Variants in GNB1L observed in about 807,000 individuals in gnomAD.
GNB1L encodes the protein G protein subunit beta 1 like.
GNB1L carries 20 observed loss-of-function variants against 29.1 expected under a neutral mutation model. The ratio of observed to expected loss-of-function variants is 0.69; its 90% confidence interval spans 0.48 to 1.00. GNB1L has a LOEUF of 1.00. Among genes scored for constraint, GNB1L ranks in the 50% least tolerant of loss-of-function variants. GNB1L has a pLI of 0.00. For missense variants in GNB1L, 421 were observed against 464.9 expected, an observed-to-expected ratio of 0.91 and a Z score of 0.87; for synonymous variants, 193 against 206.5, an observed-to-expected ratio of 0.93 and a Z score of 0.56.
chr22:19,814,293 C>T (rs1440133647), intron 4 of GNB1L, among the ~76,000 whole-genome samples: 3 of 152,122 alleles, frequency 2.0e-5, no homozygotes, highest in Non-Finnish European at 4.4e-5. Flanking sequence ...CTAAAATCAG[C>T]GGCAAAAGGG....
chr22:19,787,460 A>T lies in GNB1L; in HGVS notation c.*1249T>A, dbSNP rs541441024. 6.6e-6 allele frequency: 1 copy of T among 152,544 alleles called. No individual in the cohort carries two copies. Among genetic ancestry groups the T allele is most frequent in the East Asian group, 1.9e-4 (1 of 5,170 alleles). The allele number at this position is 152,544 out of a possible 1,614,324, so 9.4% of individuals were successfully genotyped here. On this transcript the variant is annotated 3_prime_UTR_variant, in exon 8 of 8. Coordinates refer to ENST00000329517, the MANE Select transcript of GNB1L (RefSeq NM_053004.3). Reference sequence around the variant, plus strand: ...ATCCCACACCCTTCCGATCCGTCCCACACATGTTCAGATTTCTGCCTGGAA... The same window carrying T: ...ATCCCACACCCTTCCGATCCGTCCCTCACATGTTCAGATTTCTGCCTGGAA...
At position 19,795,846 on chromosome 22, in the gene GNB1L, A is replaced by G. The variant is rs183651846; in HGVS notation, c.732+6155T>C. On this transcript the variant is annotated intron_variant, in intron 7 of 7. Transcript: ENST00000329517. Reference sequence around the variant, plus strand: ...CTCAGAGAACGGCCCCTCAGCATCCAGGCCCGTGCATCAGAGGCCACCAGC... The same window carrying G: ...CTCAGAGAACGGCCCCTCAGCATCCGGGCCCGTGCATCAGAGGCCACCAGC... Among the ~76,000 whole-genome samples, 164 of 152,262 alleles carry G rather than the reference A, an allele frequency of 1.1e-3. No individual in the cohort carries two copies. In the Middle Eastern group the frequency reaches 0.027, roughly 25 times the overall value.
chr22:19,832,155 C>A (rs1937690229), intron 2 of GNB1L, among the ~76,000 whole-genome samples: 1 of 151,972 alleles, frequency 6.6e-6, no homozygotes, highest in Non-Finnish European at 1.5e-5. Context: ...CATAGTCAGA[C>A]CCTGTCTTTA....
chr22:19,817,689 G>A (rs540717631), intron 4 of GNB1L, among the ~76,000 whole-genome samples: 7 of 152,180 alleles, frequency 4.6e-5, no homozygotes, highest in East Asian at 3.9e-4. Context: ...AAAATGAGGC[G>A]TGAGGGGCTA....
At chr22:19,845,366 A>C (rs1937938762) in intron 2 of GNB1L, among the ~76,000 whole-genome samples, 1 of 152,292 alleles carries the variant, frequency 6.6e-6, no homozygotes, top group African/African-American at 2.4e-5. Flanking sequence ...ACAGCCTGTG[A>C]ATAAAGAGCC....
intron 7 of GNB1L, among the ~76,000 whole-genome samples, chr22:19,796,818 G>A (rs1937311483): frequency 6.6e-6 from 1 of 152,164 alleles, no homozygotes; most frequent in South Asian, 2.1e-4. Context: ...CAGGGCAGCA[G>A]ATGCAACCCA....
At chr22:19,800,963 G>A (rs909287532) in intron 7 of GNB1L, among the ~76,000 whole-genome samples, 2 of 152,226 alleles carry the variant, frequency 1.3e-5, no homozygotes, top group African/African-American at 4.8e-5. Flanking sequence ...AGCGTGAGGC[G>A]CAGCAGGCTT....
chr22:19,812,649 G>A (rs1937510870), intron 4 of GNB1L, among the ~76,000 whole-genome samples: 1 of 152,224 alleles, frequency 6.6e-6, no homozygotes, highest in South Asian at 2.1e-4. Context: ...AGTGCCCGAG[G>A]CCAGGACATG....
In GNB1L at chr22:19,806,646, C is replaced by G; in HGVS notation, c.516+13G>C. On this transcript the variant is annotated intron_variant, in intron 6 of 7. Transcript: ENST00000329517. ...TGGCCGGCAGGGCGTGGCTGGTGCACGCGGGGCCTTACCTGCCACAGCCGC... is the reference window on the plus strand; with the variant it reads ...TGGCCGGCAGGGCGTGGCTGGTGCAGGCGGGGCCTTACCTGCCACAGCCGC... 1 of 1,568,896 alleles carries G rather than the reference C, an allele frequency of 6.4e-7. No individual in the cohort carries two copies. The highest frequency in any genetic ancestry group is 8.8e-7 in the Non-Finnish European group (1 of 1,142,330).
intron 7 of GNB1L, among the ~76,000 whole-genome samples, chr22:19,797,804 C>T (rs1352141917): frequency 6.6e-6 from 1 of 152,186 alleles, no homozygotes; most frequent in African/African-American, 2.4e-5. Context: ...CCCGGGGCCC[C>T]CTGGTTCACG....
chr22:19,817,512 A>T (rs1173094838), intron 4 of GNB1L, among the ~76,000 whole-genome samples: 1 of 152,014 alleles, frequency 6.6e-6, no homozygotes, highest in Non-Finnish European at 1.5e-5. Context: ...GAAAAAGAAA[A>T]CAGCGACAGC....
chr22:19,847,928 A>G (rs756799717), intron 2 of GNB1L: 84 of 984,518 alleles, frequency 8.5e-5, no homozygotes, highest in Non-Finnish European at 9.8e-5. Flanking sequence ...TGGCTTTACT[A>G]TTTTCCAGAG....
chr22:19,821,639 A>G (rs1201729652), intron 2 of GNB1L, among the ~76,000 whole-genome samples: 1 of 152,170 alleles, frequency 6.6e-6, no homozygotes, highest in Non-Finnish European at 1.5e-5. Context: ...TGGGAGCCCC[A>G]TGGATGCCAG....
intron 2 of GNB1L, among the ~76,000 whole-genome samples, chr22:19,824,821 T>C (rs1380412310): frequency 6.6e-6 from 1 of 152,158 alleles, no homozygotes; most frequent in African/African-American, 2.4e-5. Context: ...TCCCTACAGA[T>C]GAAGCAGGGC....
chr22:19,802,245 C>G, intron 6 of GNB1L, 29 bp from the exon 7 acceptor site: 1 of 1,579,214 alleles, frequency 6.3e-7, no homozygotes, highest in South Asian at 1.1e-5. Context: ...CAGTCAGCTC[C>G]TGGAAGGACC....
intron 7 of GNB1L, chr22:19,792,534 A>G (rs1937262962): frequency 6.5e-7 from 1 of 1,542,510 alleles, no homozygotes; most frequent in Non-Finnish European, 8.9e-7. Flanking sequence ...TCCTGCAATT[A>G]ACCAGTTCAC....
At chr22:19,825,869 A>C (rs983109853) in intron 2 of GNB1L, among the ~76,000 whole-genome samples, 3 of 151,720 alleles carry the variant, frequency 2.0e-5, no homozygotes, top group African/African-American at 7.3e-5. Flanking sequence ...GAGGTGGGAG[A>C]ATCATTTGAG....
chr22:19,810,099 G>C (rs1032796931), intron 5 of GNB1L, among the ~76,000 whole-genome samples: 5 of 152,172 alleles, frequency 3.3e-5, no homozygotes, highest in African/African-American at 1.2e-4. Flanking sequence ...TCTTCTTGTC[G>C]CTATATCAGG....
chr22:19,850,289 C>G (rs2145905262), intron 2 of GNB1L: 1 of 982,576 alleles, frequency 1.0e-6, no homozygotes, highest in African/African-American at 1.7e-5. Flanking sequence ...GGCCACAGAG[C>G]TGACTAAGAC....
Sources: allele counts gnomAD v4.1 joint callset (sites outside exome capture counted in the v4.1 genomes callset), GRCh38; gene constraint gnomAD v4.1.1; transcripts MANE v1.5; gene names NCBI Gene and HGNC (gene_info 2026-07-23, HGNC 2026-07-21).